ATP6V1G1: variants seen among roughly 807,000 people sequenced by gnomAD.
ATP6V1G1 encodes the protein ATPase H+ transporting V1 subunit G1, also known as V-type proton ATPase subunit G 1.
In ATP6V1G1, 14 loss-of-function variants were observed where a neutral mutation model predicts 14.2. The ratio of observed to expected loss-of-function variants is 0.99; its 90% CI spans 0.65 to 1.55. ATP6V1G1 has a LOEUF of 1.55. Ranked by LOEUF, ATP6V1G1 falls within the 40% of genes most tolerant of loss-of-function variation. The pLI, the probability that ATP6V1G1 is intolerant of heterozygous loss-of-function variation, is 0.00. For missense variants in ATP6V1G1, 137 were observed against 146.4 expected (o/e 0.94, Z 0.33); for synonymous variants, 65 against 53.3 (o/e 1.22, Z -0.96).
Position 114,590,724 on chromosome 9 carries a change from G to T in ATP6V1G1, c.83-1828G>T, listed in dbSNP as rs143577913. Among the ~76,000 whole-genome samples the T allele has an allele frequency of 7.2e-3, 1,092 of 151,696 alleles. 15 individuals are homozygous for T. Among genetic ancestry groups the T allele is most frequent in the African/African-American group, 0.025 (1,021 of 41,434 alleles). ...GCAGTATATAAAATGATCCCATCCA[G>T]TTTTTTTAATGAAATCATTGAGTTG... On this transcript the variant is annotated intron_variant, in intron 1 of 2. Transcript: ENST00000374050.
At chr9:114,590,213 A>AAG (rs1554754111) in intron 1 of ATP6V1G1, among the ~76,000 whole-genome samples, 18 of 150,790 alleles carry the variant, frequency 1.2e-4, no homozygotes, top group African/African-American at 3.2e-4. Flanking sequence ...AAAAAAAAAA[A>AAG]CAAAAAACAA....
At position 114,598,168 on chromosome 9, in the gene ATP6V1G1, T is replaced by C. The variant is rs1589314839; in HGVS notation, c.*425T>C. ...GCTTTATCTATGAAAAAGTAGTAAA[T>C]AGTTCTTTGTAACCTGTGTGAAGCA... On this transcript the variant is annotated 3_prime_UTR_variant, in exon 3 of 3. Transcript: ENST00000374050. 1 of 152,704 alleles carries C rather than the reference T, an allele frequency of 6.5e-6. No individual in the cohort carries two copies. Among genetic ancestry groups the C allele is most frequent in the Non-Finnish European group, 1.5e-5 (1 of 68,120 alleles). The allele number at this position is 152,704 out of a possible 1,614,324, so 9.5% of individuals were successfully genotyped here. A position where few individuals can be genotyped will look rare whatever the true frequency, so the allele number is the denominator to read the frequency against.
intron 1 of ATP6V1G1, among the ~76,000 whole-genome samples, chr9:114,591,404 G>A (rs1845180831): frequency 6.6e-6 from 1 of 152,192 alleles, no homozygotes; most frequent in African/African-American, 2.4e-5. Context: ...TAGATTGTTG[G>A]TTTCGAAAGT....
intron 2 of ATP6V1G1, among the ~76,000 whole-genome samples, chr9:114,594,727 C>T (rs1845218005): frequency 6.6e-6 from 1 of 151,986 alleles, no homozygotes; most frequent in Non-Finnish European, 1.5e-5. Flanking sequence ...GTGGCACAGG[C>T]CTAGGAGGTC....
intron 2 of ATP6V1G1, among the ~76,000 whole-genome samples, chr9:114,597,334 G>C (rs1845250121): frequency 6.6e-6 from 1 of 152,168 alleles, no homozygotes; most frequent in Non-Finnish European, 1.5e-5. Context: ...CATGTCTTTG[G>C]AATAATTTCC....
chr9:114,597,409 C>T (rs967255568), intron 2 of ATP6V1G1, among the ~76,000 whole-genome samples, 161 bp from the exon 3 acceptor site: 4 of 152,136 alleles, frequency 2.6e-5, no homozygotes, highest in African/African-American at 4.8e-5. Flanking sequence ...CTGAGAATAC[C>T]TCACATGTGC....
intron 1 of ATP6V1G1, among the ~76,000 whole-genome samples, chr9:114,589,096 C>T (rs1309947664): frequency 6.6e-6 from 1 of 152,180 alleles, no homozygotes; most frequent in African/African-American, 2.4e-5. Context: ...GACCCTTAGT[C>T]TTCCATCAGA....
rs556510080 is a variant in ATP6V1G1, at chr9:114,597,611, G to C, written c.225G>C (p.Lys75Asn). 6.4e-7 allele frequency: 1 copy of C among 1,558,754 alleles called. No homozygotes were observed. Among genetic ancestry groups the C allele is most frequent in the South Asian group, 1.2e-5 (1 of 82,828 alleles). ...GCAGTTGCAGCACTGAAGTGGAGAA[G>C]GAGACCCAGGAGAAGATGACCATCC... ...SRGSCSTEVE[K>N]ETQEKMTILQ... The change falls in exon 3 of 3, where the codon AAG (lysine) becomes AAC (asparagine). Residue 75 changes from lysine to asparagine, a missense_variant. By Grantham distance (94) the Lys-to-Asn change is moderately conservative (BLOSUM62 0). Transcript: ENST00000374050.
intron 2 of ATP6V1G1, among the ~76,000 whole-genome samples, chr9:114,592,913 A>G (rs1053824502): frequency 6.6e-6 from 1 of 152,224 alleles, no homozygotes; most frequent in African/African-American, 2.4e-5. Flanking sequence ...GCTAGATGCT[A>G]GGGATCAGTT....
chr9:114,587,959 C>T (rs1350082048), intron 1 of ATP6V1G1, 39 bp downstream of exon 1: 1 of 1,550,464 alleles, frequency 6.4e-7, no homozygotes, highest in Non-Finnish European at 8.7e-7. Flanking sequence ...TGGCGCGAGT[C>T]GAAGAAAGAC....
At chr9:114,592,395 T>A (rs1220913383) in intron 1 of ATP6V1G1, among the ~76,000 whole-genome samples, 157 bp from the exon 2 acceptor site, 2 of 152,176 alleles carry the variant, frequency 1.3e-5, no homozygotes, top group Non-Finnish European at 2.9e-5. Flanking sequence ...GAGGAACCTG[T>A]ACTGTTTGTT....
intron 1 of ATP6V1G1, among the ~76,000 whole-genome samples, chr9:114,589,178 A>C (rs1845159379): frequency 6.6e-6 from 1 of 152,176 alleles, no homozygotes; most frequent in Non-Finnish European, 1.5e-5. Context: ...CTAGGCTTGG[A>C]GTCCCTCCCA....
intron 2 of ATP6V1G1, among the ~76,000 whole-genome samples, chr9:114,593,603 C>T (rs1395669683): frequency 1.3e-5 from 2 of 152,134 alleles, no homozygotes; most frequent in Admixed American, 1.3e-4. Context: ...TTAAGCGATC[C>T]TCCCCTGCCC....
chr9:114,591,381 T>G (rs2133557700), intron 1 of ATP6V1G1, among the ~76,000 whole-genome samples: 1 of 152,312 alleles, frequency 6.6e-6, no homozygotes, highest in South Asian at 2.1e-4. Context: ...GTTCAGGCCA[T>G]GAGTGTTATT....
At chr9:114,594,873 T>G (rs867285636) in intron 2 of ATP6V1G1, among the ~76,000 whole-genome samples, 4 of 149,460 alleles carry the variant, frequency 2.7e-5, no homozygotes, top group South Asian at 4.3e-4. Flanking sequence ...TTTTTTTTTT[T>G]TTTTTGAGAC....
At chr9:114,596,983 A>ATTGT in intron 2 of ATP6V1G1, among the ~76,000 whole-genome samples, 1 of 128,624 alleles carries the variant, frequency 7.8e-6, no homozygotes, top group Admixed American at 7.9e-5. Context: ...TATATAGCAG[A>ATTGT]TTCTTTTTTT....
In ATP6V1G1 at chr9:114,592,551, G is replaced by T. The variant is rs113631225; in HGVS notation, c.83-1G>T. The T allele has an allele frequency of 1.3e-6, 2 of 1,560,190 alleles. No homozygotes were observed. The highest frequency in any genetic ancestry group is 4.7e-5 in the East Asian group (2 of 42,234). On this transcript the variant is annotated splice_acceptor_variant, in intron 1 of 2. Transcript: ENST00000374050. LOFTEE classifies it high-confidence loss of function. ...GATATAGCTCTCTCCTTTGAAAACAGGAAAGAACCGGAGGCTGAAGCAGGC... is the reference window on the plus strand; with the variant it reads ...GATATAGCTCTCTCCTTTGAAAACATGAAAGAACCGGAGGCTGAAGCAGGC...
chr9:114,596,376 A>T (rs1458010728), intron 2 of ATP6V1G1, among the ~76,000 whole-genome samples: 10 of 147,026 alleles, frequency 6.8e-5, no homozygotes, highest in South Asian at 2.2e-4. Context: ...CGACAGAGCG[A>T]GACTCCAACT....
Position 114,588,015 on chromosome 9 carries a change from G to A in ATP6V1G1, c.82+95G>A. 8 of 1,333,050 alleles carry A rather than the reference G, an allele frequency of 6.0e-6. No individual in the cohort carries two copies. The South Asian group carries it at 1.1e-4, about 18-fold the overall frequency. The allele number at this position is 1,333,050 out of a possible 1,614,324, so 82.6% of individuals were successfully genotyped here. A position where few individuals can be genotyped will look rare whatever the true frequency, so the allele number is the denominator to read the frequency against. On this transcript the variant is annotated intron_variant, in intron 1 of 2. Transcript: ENST00000374050. Reference sequence around the variant, plus strand: ...GTAGATTAGGCCCGAAAAACTGCGGGGTGCGGGCGTGCGTATAGTCGCGGA... The same window carrying A: ...GTAGATTAGGCCCGAAAAACTGCGGAGTGCGGGCGTGCGTATAGTCGCGGA...
Sources: gnomAD v4.1 joint callset for allele counts (sites outside exome capture counted in the v4.1 genomes callset) on GRCh38, gnomAD v4.1.1 for gene constraint, MANE v1.5 for transcripts, NCBI Gene and HGNC (gene_info 2026-07-23, HGNC 2026-07-21) for gene names.